Variants in NUCKS1 observed in about 807,000 individuals in gnomAD.
The protein encoded by NUCKS1 is nuclear ubiquitous casein and cyclin-dependent kinase substrate 1.
Under a neutral mutation model 33.0 loss-of-function variants are expected in NUCKS1, and 2 were observed. That is an observed-to-expected ratio of 0.06 (90% confidence interval 0.02 to 0.19). The LOEUF is 0.19. NUCKS1 is among the 10% of genes least tolerant of loss of function. The probability of loss-of-function intolerance (pLI) is 1.00; values close to 1 mark genes in which losing one functional copy is unlikely to be tolerated. For missense variants in NUCKS1, 201 were observed against 293.6 expected (o/e 0.68, Z 2.31); for synonymous variants, 106 against 102.8 (o/e 1.03, Z -0.19).
intron 3 of NUCKS1, among the ~76,000 whole-genome samples, chr1:205,727,309 T>C (rs1326235575): frequency 6.6e-6 from 1 of 152,058 alleles, no homozygotes; most frequent in Non-Finnish European, 1.5e-5. Context: ...AAATCACAAC[T>C]CATTTGTAAA....
At position 205,714,481 on chromosome 1, in the gene NUCKS1, G is replaced by A. The variant is rs1307831192; in HGVS notation, c.*3799C>T. ...TGGTTATTACACAGTCAGCACCACT[G>A]TGAATTTTGTGAATTTGAAAAAAAA... is the stretch of plus-strand genomic sequence containing the variant. On this transcript the variant is annotated 3_prime_UTR_variant, in exon 7 of 7. Coordinates refer to ENST00000367142, the MANE Select transcript of NUCKS1 (RefSeq NM_022731.5). The A allele has an allele frequency of 6.6e-6, 1 of 151,572 alleles. No homozygotes were observed. The highest frequency in any genetic ancestry group is 2.4e-5 in the African/African-American group (1 of 41,266). 9.4% of individuals were successfully genotyped at this position (151,572 alleles called of 1,614,324 possible).
At position 205,717,245 on chromosome 1, in the gene NUCKS1, G is replaced by A; in HGVS notation, c.*1035C>T. 1.1e-6 allele frequency: 1 copy of A among 890,734 alleles called. No homozygotes were observed. The highest frequency in any genetic ancestry group is 1.3e-6 in the Non-Finnish European group (1 of 741,832). The allele number at this position is 890,734 out of a possible 1,614,324, so 55.2% of individuals were successfully genotyped here. On this transcript the variant is annotated 3_prime_UTR_variant, in exon 7 of 7. Transcript: ENST00000367142. Reference sequence around the variant, plus strand: ...ATGCACATTTATAGCATAAAAGAATGTCAATTCTATTTCATAAAGGAAAAA... The same window carrying A: ...ATGCACATTTATAGCATAAAAGAATATCAATTCTATTTCATAAAGGAAAAA...
At position 205,750,017 on chromosome 1, in the gene NUCKS1, G is replaced by A. The variant is rs1436485089; in HGVS notation, c.-44C>T. 2 of 1,548,228 alleles carry A rather than the reference G, an allele frequency of 1.3e-6. No homozygotes were observed. Among genetic ancestry groups the A allele is most frequent in the South Asian group, 1.2e-5 (1 of 86,934 alleles). On this transcript the variant is annotated 5_prime_UTR_variant, in exon 1 of 7. Transcript: ENST00000367142. Reference sequence around the variant, plus strand: ...ACCGAGTCGAGAAGCCAAAGACCAGGACCCCCCCCACCCCGCGCGCTCGGC... The same window carrying A: ...ACCGAGTCGAGAAGCCAAAGACCAGAACCCCCCCCACCCCGCGCGCTCGGC...
At chr1:205,732,312 A>C (rs189523965) in intron 1 of NUCKS1, among the ~76,000 whole-genome samples, 3 of 152,336 alleles carry the variant, frequency 2.0e-5, no homozygotes, top group Middle Eastern at 3.4e-3. Context: ...TTCCATGTAC[A>C]TGAGGGACCT....
chr1:205,724,701 C>G (rs148498289), intron 3 of NUCKS1, among the ~76,000 whole-genome samples: 6 of 151,586 alleles, frequency 4.0e-5, no homozygotes, highest in East Asian at 1.9e-4. Flanking sequence ...CCCCACCCCC[C>G]CCAAAAAAAG....
chr1:205,746,447 T>TCACA (rs1453790587), intron 1 of NUCKS1, among the ~76,000 whole-genome samples: 79 of 88,728 alleles, frequency 8.9e-4, no homozygotes, highest in African/African-American at 2.5e-3. Context: ...TCTCTCTCTC[T>TCACA]CTCTCTCACA....
At chr1:205,735,708 A>C (rs888770119) in intron 1 of NUCKS1, among the ~76,000 whole-genome samples, 14 of 152,348 alleles carry the variant, frequency 9.2e-5, no homozygotes, top group Admixed American at 8.5e-4. Flanking sequence ...AGAACATTTC[A>C]GAACATTTGT....
At chr1:205,726,020 G>A (rs963663655) in intron 3 of NUCKS1, among the ~76,000 whole-genome samples, 4 of 152,122 alleles carry the variant, frequency 2.6e-5, no homozygotes, top group Admixed American at 6.6e-5. Flanking sequence ...CCAACACTGT[G>A]AAACCCCATC....
At position 205,741,745 on chromosome 1, in the gene NUCKS1, G is replaced by A. The variant is rs139037839; in HGVS notation, c.17+8212C>T. ...CTATAAGCACAGAACTGTGTTAAAG[G>A]GATCAATATCAGGTCTGGACTGCAG... On this transcript the variant is annotated intron_variant, in intron 1 of 6. Transcript: ENST00000367142. Among the ~76,000 whole-genome samples, 18 of 152,238 alleles carry A rather than the reference G, an allele frequency of 1.2e-4. No homozygotes were observed. The East Asian group carries it at 3.3e-3, about 28-fold the overall frequency.
At chr1:205,731,366 C>G (rs1001417944) in intron 1 of NUCKS1, 1 of 152,220 alleles carries the variant, frequency 6.6e-6, no homozygotes, top group African/African-American at 2.4e-5. Context: ...CTATTTGACT[C>G]TAAATGACTT....
intron 1 of NUCKS1, among the ~76,000 whole-genome samples, chr1:205,731,627 C>T (rs188339698): frequency 6.6e-5 from 10 of 152,272 alleles, no homozygotes; most frequent in Admixed American, 5.2e-4. Context: ...CGCAGTGGCT[C>T]ACGCCTATAA....
rs536699462 is a variant in NUCKS1 at position 205,737,799 on chromosome 1, ATT to A, written c.18-8180_18-8179del. ...AATCAAAAGTATTTTAAAAGTATAC[ATT>A]TGTCTTATAGTATCGTATTTTAAAA... is the stretch of plus-strand genomic sequence containing the variant. On this transcript the variant is annotated intron_variant, in intron 1 of 6. Coordinates refer to ENST00000367142, the MANE Select transcript of NUCKS1 (RefSeq NM_022731.5). 2.1e-3 allele frequency among the ~76,000 whole-genome samples: 323 copies of A among 152,356 alleles called. 2 individuals are homozygous for A. Among genetic ancestry groups the A allele is most frequent in the African/African-American group, 7.4e-3 (308 of 41,586 alleles).
In NUCKS1 at chr1:205,739,135, G is replaced by A. The variant is rs528606363; in HGVS notation, c.18-9514C>T. On this transcript the variant is annotated intron_variant, in intron 1 of 6. Coordinates refer to ENST00000367142, the MANE Select transcript of NUCKS1 (RefSeq NM_022731.5). ...GTCACAAGAGGAGCTAATTAACTGA[G>A]GAAACTATGCTCAAAAGGCCAAGTA... 2.9e-4 allele frequency among the ~76,000 whole-genome samples: 44 copies of A among 152,242 alleles called. 1 individual carries two copies. Among genetic ancestry groups the A allele is most frequent in the Admixed American group, 2.6e-3 (39 of 15,294 alleles).
At chr1:205,724,464 T>A (rs1394768221) in intron 3 of NUCKS1, among the ~76,000 whole-genome samples, 1 of 152,066 alleles carries the variant, frequency 6.6e-6, no homozygotes, top group South Asian at 2.1e-4. Flanking sequence ...GTGGCTGAGG[T>A]AGGCAGATTG....
chr1:205,744,878 C>A (rs1438603734), intron 1 of NUCKS1, among the ~76,000 whole-genome samples: 1 of 151,948 alleles, frequency 6.6e-6, no homozygotes, highest in Non-Finnish European at 1.5e-5. Context: ...GTGATCTGCC[C>A]GCCTCAGCCT....
intron 1 of NUCKS1, among the ~76,000 whole-genome samples, chr1:205,738,048 C>G (rs147524261): frequency 1.6e-4 from 24 of 152,290 alleles, no homozygotes; most frequent in African/African-American, 5.1e-4. Flanking sequence ...TTTTTTGAGA[C>G]GGAGTCTCGC....
chr1:205,732,324 G>C (rs898220725), intron 1 of NUCKS1, among the ~76,000 whole-genome samples: 10 of 152,158 alleles, frequency 6.6e-5, no homozygotes, highest in Non-Finnish European at 8.8e-5. Flanking sequence ...GAGGGACCTA[G>C]AGTAGATGAA....
intron 1 of NUCKS1, among the ~76,000 whole-genome samples, chr1:205,734,458 G>A (rs1653986698): frequency 2.0e-5 from 3 of 152,002 alleles, no homozygotes; most frequent in Non-Finnish European, 2.9e-5. Flanking sequence ...TATGAATATA[G>A]AAGCAATTCT....
At chr1:205,742,276 T>C (rs547092117) in intron 1 of NUCKS1, among the ~76,000 whole-genome samples, 28 of 152,310 alleles carry the variant, frequency 1.8e-4, no homozygotes, top group African/African-American at 6.3e-4. Flanking sequence ...ATTCAAATAA[T>C]AGTAACACCT....
Sources: allele counts gnomAD v4.1 joint callset (sites outside exome capture counted in the v4.1 genomes callset), GRCh38; gene constraint gnomAD v4.1.1; transcripts MANE v1.5; gene names NCBI Gene and HGNC (gene_info 2026-07-23, HGNC 2026-07-21).